The following EPHA4 variants were observed in gnomAD, a reference collection of about 807,000 sequenced individuals.
EPHA4 encodes EPH receptor A4.
A neutral mutation model predicts 108.3 loss-of-function variants in EPHA4; 19 were observed. The ratio of observed to expected loss-of-function variants is 0.18; its 90% CI spans 0.12 to 0.26. The LOEUF (loss-of-function observed/expected upper bound fraction) is 0.26. Among genes scored for constraint, EPHA4 ranks in the 10% least tolerant of loss-of-function variants. EPHA4 has a pLI of 1.00. For missense variants in EPHA4, 917 were observed against 1,254.0 expected, an observed-to-expected ratio of 0.73 and a Z score of 4.06; for synonymous variants, 449 against 455.5, an observed-to-expected ratio of 0.99 and a Z score of 0.18.
chr2:221,562,176 C>T (rs900130621), intron 3 of EPHA4, among the ~76,000 whole-genome samples: 2 of 151,076 alleles, frequency 1.3e-5, no homozygotes, highest in African/African-American at 2.4e-5. Flanking sequence ...CCTTAAATTC[C>T]AACTTGTAAA....
At chr2:221,533,957 C>A (rs1028843489) in intron 3 of EPHA4, among the ~76,000 whole-genome samples, 3 of 152,068 alleles carry the variant, frequency 2.0e-5, no homozygotes, top group Admixed American at 1.3e-4. Flanking sequence ...TGTGAGTTAC[C>A]TTTTCCCACA....
At chr2:221,516,802 G>C (rs1693003192) in intron 3 of EPHA4, among the ~76,000 whole-genome samples, 1 of 152,134 alleles carries the variant, frequency 6.6e-6, no homozygotes, top group Non-Finnish European at 1.5e-5. Context: ...CTCAGGAACT[G>C]AGCTCCAACA....
At chr2:221,554,666 A>G (rs1694255743) in intron 3 of EPHA4, among the ~76,000 whole-genome samples, 1 of 152,226 alleles carries the variant, frequency 6.6e-6, no homozygotes, top group South Asian at 2.1e-4. Context: ...TAGTCAATAC[A>G]CATTTTAAAG....
rs144246845 is a variant in EPHA4, at chr2:221,559,060, C to T, written c.823+4671G>A. ...AAATCATTTTTTTTGACATAGCTCT[C>T]TTCCTCTTTTCAGAGCACAAGTCTG... On this transcript the variant is annotated intron_variant, in intron 3 of 17. Transcript: ENST00000281821. Among the ~76,000 whole-genome samples the T allele has an allele frequency of 5.8e-4, 88 of 152,302 alleles. 1 individual carries two copies. Among genetic ancestry groups the T allele is most frequent in the South Asian group, 2.7e-3 (13 of 4,830 alleles).
chr2:221,423,009 AC>A (rs1260135004), intron 17 of EPHA4, among the ~76,000 whole-genome samples: 1 of 152,062 alleles, frequency 6.6e-6, no homozygotes, highest in African/African-American at 2.4e-5. Context: ...TCACTGTGTG[AC>A]CCCCCTACCA....
At chr2:221,500,705 C>T (rs527441412) in intron 4 of EPHA4, among the ~76,000 whole-genome samples, 1 of 152,264 alleles carries the variant, frequency 6.6e-6, no homozygotes, top group South Asian at 2.1e-4. Flanking sequence ...TCCCTGAGTC[C>T]TCAGTGCAAT....
At chr2:221,507,014 T>G (rs968974154) in intron 3 of EPHA4, among the ~76,000 whole-genome samples, 10 of 152,234 alleles carry the variant, frequency 6.6e-5, no homozygotes, top group Admixed American at 5.9e-4. Context: ...CAATTCCAAA[T>G]GTCATCTATT....
At position 221,571,843 on chromosome 2, in the gene EPHA4, C is replaced by A. The variant is rs1694847327; in HGVS notation, c.91+315G>T. Among the ~76,000 whole-genome samples the A allele has an allele frequency of 6.6e-6, 1 of 152,110 alleles. No individual in the cohort carries two copies. The highest frequency in any genetic ancestry group is 2.1e-4 in the South Asian group (1 of 4,830). ...GGTTCTTGTAATTTTTTTTTTAAAT[C>A]CCGGCGTTGTCTCCCGTGCATCCCC... On this transcript the variant is annotated intron_variant, in intron 1 of 17. Transcript: ENST00000281821. The surrounding 1 kb of genome is among the most constrained non-coding windows in gnomAD (Gnocchi z 6.3).
At chr2:221,551,941 G>T (rs1187010940) in intron 3 of EPHA4, among the ~76,000 whole-genome samples, 1 of 151,884 alleles carries the variant, frequency 6.6e-6, no homozygotes, top group African/African-American at 2.4e-5. Context: ...AAAAGAAAGG[G>T]TTTGAAAAAG....
chr2:221,444,654 C>G (rs1457099552), intron 9 of EPHA4, among the ~76,000 whole-genome samples: 1 of 150,042 alleles, frequency 6.7e-6, no homozygotes, highest in Non-Finnish European at 1.5e-5. Context: ...AGTTGTTAGA[C>G]ACTTCATATC....
rs994184537 is a variant in EPHA4, at chr2:221,571,561, G to A, written c.91+597C>T. ...CCCTCAGGCCCGCAATCGCACCCTC[G>A]GGGCGCTGGGCTTGGCGAGGAGAAA... On this transcript the variant is annotated intron_variant, in intron 1 of 17. Transcript: ENST00000281821. The surrounding 1 kb of genome is among the most constrained non-coding windows in gnomAD (Gnocchi z 6.3). Among the ~76,000 whole-genome samples, 2 of 152,184 alleles carry A rather than the reference G, an allele frequency of 1.3e-5. No homozygotes were observed. Among genetic ancestry groups the A allele is most frequent in the East Asian group, 1.9e-4 (1 of 5,166 alleles).
At chr2:221,476,940 CTGATT>C (rs1420994480) in intron 5 of EPHA4, among the ~76,000 whole-genome samples, 2 of 152,050 alleles carry the variant, frequency 1.3e-5, no homozygotes, top group Admixed American at 1.3e-4. Context: ...AGAGAGTTAA[CTGATT>C]TGATTTTACT....
At chr2:221,522,751 TATTATTATTATTA>T (rs1559278045) in intron 3 of EPHA4, among the ~76,000 whole-genome samples, 4 of 37,052 alleles carry the variant, frequency 1.1e-4, no homozygotes, top group Admixed American at 2.2e-4. Flanking sequence ...TTATTATTAT[TATTATTATTATTA>T]TTATTATTAT....
intron 5 of EPHA4, among the ~76,000 whole-genome samples, chr2:221,468,459 T>C (rs948022145): frequency 1.3e-5 from 2 of 152,150 alleles, no homozygotes; most frequent in African/African-American, 2.4e-5. Flanking sequence ...ATCTGGAAAA[T>C]AAAAAGCTAA....
At chr2:221,479,899 A>C (rs1691766545) in intron 5 of EPHA4, among the ~76,000 whole-genome samples, 2 of 152,154 alleles carry the variant, frequency 1.3e-5, no homozygotes, top group Admixed American at 6.5e-5. Context: ...TAAAATAAGG[A>C]GCTGGAATTT....
At position 221,482,559 on chromosome 2, in the gene EPHA4, C is replaced by G; in HGVS notation, c.1111G>C (p.Ala371Pro). 1.2e-6 allele frequency: 2 copies of G among 1,614,082 alleles called. No homozygotes were observed. Among genetic ancestry groups the G allele is most frequent in the Non-Finnish European group, 1.7e-6 (2 of 1,179,998 alleles). ...GGTCGGCACTTGCTGGGGTCACCAG[C>G]TCCACATTTCTTGCATACCACATTA... is the stretch of plus-strand genomic sequence containing the variant. Reference protein sequence around the residue: ...SYNVVCKKCGAGDPSKCRPCG... With the variant: ...SYNVVCKKCGPGDPSKCRPCG... The change falls in exon 5 of 18, where the codon GCT becomes CCT. Residue 371 changes from alanine (A) to proline (P), a missense_variant. Transcript: ENST00000281821.
chr2:221,492,502 G>C (rs1220097527), intron 4 of EPHA4, among the ~76,000 whole-genome samples: 2 of 152,132 alleles, frequency 1.3e-5, no homozygotes, highest in Admixed American at 1.3e-4. Flanking sequence ...CTCACCTGGT[G>C]ATCTTTCTCC....
At chr2:221,536,875 GATA>G (rs1215476285) in intron 3 of EPHA4, among the ~76,000 whole-genome samples, 1 of 152,174 alleles carries the variant, frequency 6.6e-6, no homozygotes, top group Non-Finnish European at 1.5e-5. Flanking sequence ...ATGAAAAGAG[GATA>G]ATGACAGTCA....
intron 5 of EPHA4, among the ~76,000 whole-genome samples, chr2:221,473,123 A>G (rs1275451076): frequency 2.6e-5 from 4 of 152,154 alleles, no homozygotes; most frequent in African/African-American, 9.7e-5. Context: ...TCTCGTTTTT[A>G]TCATTGCCGT....
Sources: allele counts gnomAD v4.1 joint callset (sites outside exome capture counted in the v4.1 genomes callset), GRCh38; gene constraint gnomAD v4.1.1; non-coding constraint Gnocchi (gnomAD v3.1); transcripts MANE v1.5; gene names NCBI Gene and HGNC (gene_info 2026-07-23, HGNC 2026-07-21).